The following GPHN variants were observed in gnomAD, a reference collection of about 807,000 sequenced individuals.
GPHN encodes the protein gephyrin.
Under a neutral mutation model 95.5 loss-of-function variants are expected in GPHN, and 17 were observed. The ratio of observed to expected loss-of-function variants is 0.18; its 90% CI spans 0.12 to 0.27. The LOEUF is 0.27. Ranked by LOEUF, GPHN falls within the 10% of genes least tolerant of loss-of-function variation. The pLI, the probability that GPHN is intolerant of heterozygous loss-of-function variation, is 1.00. For synonymous variants in GPHN, 320 were observed against 322.5 expected, an observed-to-expected ratio of 0.99 and a Z score of 0.08; for missense variants, 660 against 978.1, an observed-to-expected ratio of 0.67 and a Z score of 4.34.
At chr14:66,946,106 C>A (rs1404157512) in intron 8 of GPHN, among the ~76,000 whole-genome samples, 1 of 151,622 alleles carries the variant, frequency 6.6e-6, no homozygotes, top group African/African-American at 2.4e-5. Flanking sequence ...TTAAATAGGA[C>A]CATGGATACT....
At chr14:67,244,446 G>A in the GPHN span, among the ~76,000 whole-genome samples, 1 of 152,124 alleles carries the variant, frequency 6.6e-6, no homozygotes, top group Non-Finnish European at 1.5e-5. Flanking sequence ...CTAATCTGGT[G>A]GATGAGAAAT....
At chr14:66,635,362 TAA>T (rs1325468683) in intron 1 of GPHN, among the ~76,000 whole-genome samples, 2 of 152,200 alleles carry the variant, frequency 1.3e-5, no homozygotes, top group African/African-American at 2.4e-5. Context: ...TTAAGAAATA[TAA>T]TTTACTTAAT....
At chr14:67,038,456 A>G (rs2074539096) in intron 10 of GPHN, among the ~76,000 whole-genome samples, 1 of 152,170 alleles carries the variant, frequency 6.6e-6, no homozygotes, top group Non-Finnish European at 1.5e-5. Flanking sequence ...TACAAAATGT[A>G]TATAGATTAA....
chr14:67,393,258 GC>G, the GPHN span: 1 of 1,581,422 alleles, frequency 6.3e-7, no homozygotes, highest in Non-Finnish European at 8.7e-7. Flanking sequence ...GGAAGGGAAG[GC>G]AAAGGAGAGG....
intron 2 of GPHN, among the ~76,000 whole-genome samples, chr14:66,722,145 T>A (rs920698972): frequency 1.3e-5 from 2 of 152,020 alleles, no homozygotes; most frequent in African/African-American, 2.4e-5. Flanking sequence ...AGAAGTTACA[T>A]AGTTGTAAAT....
chr14:67,382,575 C>T, the GPHN span: 2 of 1,613,782 alleles, frequency 1.2e-6, no homozygotes, highest in Non-Finnish European at 1.7e-6. Flanking sequence ...GGGGTGTGTT[C>T]AATGTTCAAA....
chr14:66,654,788 A>C (rs908781864), intron 1 of GPHN, among the ~76,000 whole-genome samples: 1 of 152,102 alleles, frequency 6.6e-6, no homozygotes, highest in Admixed American at 6.5e-5. Context: ...TTTACACTTC[A>C]TATTTAAGTA....
chr14:67,618,400 G>A, the GPHN span, among the ~76,000 whole-genome samples: 1 of 152,024 alleles, frequency 6.6e-6, no homozygotes, highest in Non-Finnish European at 1.5e-5. Context: ...TTGAGATAGG[G>A]TCTCACTCTG....
chr14:67,439,588 TC>T, the GPHN span, among the ~76,000 whole-genome samples: 9 of 139,954 alleles, frequency 6.4e-5, no homozygotes, highest in African/African-American at 2.7e-4. Context: ...TTTCTTTCTT[TC>T]TTTCTTCTTT....
intron 4 of GPHN, among the ~76,000 whole-genome samples, chr14:66,838,037 G>A (rs1031695959): frequency 4.6e-5 from 7 of 152,018 alleles, no homozygotes; most frequent in African/African-American, 1.4e-4. Context: ...GCTTAATTCT[G>A]CTCTGTAATG....
At position 66,707,038 on chromosome 14, in the gene GPHN, G is replaced by T. The variant is rs181990398; in HGVS notation, c.143+25853G>T. ...CTTCTCAAAAGAAGACATACATGCAGCCAACAAACATTTGAAAAAAAAAAA... is the reference window on the plus strand; with the variant it reads ...CTTCTCAAAAGAAGACATACATGCATCCAACAAACATTTGAAAAAAAAAAA... On this transcript the variant is annotated intron_variant, in intron 2 of 22. Transcript: ENST00000478722. Among the ~76,000 whole-genome samples, 903 of 140,900 alleles carry T rather than the reference G, an allele frequency of 6.4e-3. 10 individuals carry two copies. The highest frequency in any genetic ancestry group is 0.025 in the African/African-American group (881 of 34,694). The allele number at this position is 140,900 out of a possible 152,430, so 92.4% of individuals were successfully genotyped here.
chr14:67,321,015 C>T, the GPHN span: 1 of 1,562,440 alleles, frequency 6.4e-7, no homozygotes, highest in African/African-American at 1.4e-5. Context: ...TGTCCTCACT[C>T]TAAGCCATGC....
At chr14:67,173,178 G>T (rs941087540) in intron 21 of GPHN, among the ~76,000 whole-genome samples, 1 of 152,110 alleles carries the variant, frequency 6.6e-6, no homozygotes, top group Non-Finnish European at 1.5e-5. Context: ...GTGCCACAAT[G>T]GGTTCACAAG....
chr14:67,650,467 G>T, the GPHN span: 1,308 of 503,110 alleles, frequency 2.6e-3, 5 homozygotes, highest in Non-Finnish European at 3.7e-3. Flanking sequence ...TGTTATGTTA[G>T]TTGAACAGGG....
At chr14:67,041,620 A>T (rs757490766) in intron 10 of GPHN, among the ~76,000 whole-genome samples, 1 of 152,116 alleles carries the variant, frequency 6.6e-6, no homozygotes, top group Non-Finnish European at 1.5e-5. Flanking sequence ...TGTATCATTG[A>T]TGGACATCTG....
chr14:67,120,284 CAAGATGACTGGAAGTATAACAGAAAAT>C (rs2078948879), intron 16 of GPHN, among the ~76,000 whole-genome samples: 1 of 151,984 alleles, frequency 6.6e-6, no homozygotes. Flanking sequence ...ACATCATTCC[CAAGATGACTGGAAGTATAACAGAAAAT>C]AAGATTCAGT....
chr14:67,605,810 G>A, the GPHN span, among the ~76,000 whole-genome samples: 2 of 151,934 alleles, frequency 1.3e-5, no homozygotes, highest in Non-Finnish European at 2.9e-5. Context: ...AGCCTCCCCA[G>A]TAGTTGGGAC....
At chr14:66,792,641 T>C (rs570814402) in intron 3 of GPHN, among the ~76,000 whole-genome samples, 1 of 152,246 alleles carries the variant, frequency 6.6e-6, no homozygotes, top group East Asian at 1.9e-4. Flanking sequence ...TGACCAGAGA[T>C]AGTGAGTCAA....
At chr14:66,763,635 T>C (rs906175816) in intron 2 of GPHN, among the ~76,000 whole-genome samples, 5 of 151,956 alleles carry the variant, frequency 3.3e-5, no homozygotes, top group Admixed American at 6.6e-5. Context: ...TAATCCAGTC[T>C]ATCATTGTTG....
Sources: gnomAD v4.1 joint callset for allele counts (sites outside exome capture counted in the v4.1 genomes callset) on GRCh38, gnomAD v4.1.1 for gene constraint, MANE v1.5 for transcripts, NCBI Gene and HGNC (gene_info 2026-07-23, HGNC 2026-07-21) for gene names.